The following ALDH1L2 variants were observed in gnomAD, a reference collection of about 807,000 sequenced individuals.
ALDH1L2 encodes the protein aldehyde dehydrogenase 1 family member L2, also known as mitochondrial 10-formyltetrahydrofolate dehydrogenase.
ALDH1L2 carries 91 observed loss-of-function variants against 111.0 expected under a neutral mutation model. That is an observed-to-expected ratio of 0.82 (90% CI 0.69 to 0.98). ALDH1L2 has a LOEUF of 0.98. Among genes scored for constraint, ALDH1L2 ranks in the 50% least tolerant of loss-of-function variants. The pLI is 0.00. For synonymous variants in ALDH1L2, 374 were observed against 392.6 expected (o/e 0.95, Z 0.56); for missense variants, 995 against 1,126.8 (o/e 0.88, Z 1.67).
intron 1 of ALDH1L2, 143 bp from the exon 2 acceptor site, chr12:105,074,148 A>AAT: frequency 9.6e-7 from 1 of 1,039,674 alleles, no homozygotes; most frequent in African/African-American, 1.6e-5. Flanking sequence ...ACCACTACTC[A>AAT]ATATATGCAT....
At chr12:105,076,158 C>T (rs1475705119) in intron 1 of ALDH1L2, among the ~76,000 whole-genome samples, 2 of 152,130 alleles carry the variant, frequency 1.3e-5, no homozygotes, top group Non-Finnish European at 2.9e-5. Context: ...GATTCCTGGG[C>T]CCTACTTCAG....
intron 22 of ALDH1L2, among the ~76,000 whole-genome samples, chr12:105,025,044 G>C (rs1362532621): frequency 6.6e-6 from 1 of 152,162 alleles, no homozygotes; most frequent in Non-Finnish European, 1.5e-5. Context: ...AACCTGTCTA[G>C]GCAAAAATAA....
At position 105,021,998 on chromosome 12, in the gene ALDH1L2, T is replaced by G. The variant is rs1874186331; in HGVS notation, c.*2426A>C. Reference sequence around the variant, plus strand: ...TGGAACTGCTTAAAGTGTCCACACCTCCCGATTCAGGTGATAATAAGATCA... The same window carrying G: ...TGGAACTGCTTAAAGTGTCCACACCGCCCGATTCAGGTGATAATAAGATCA... On this transcript the variant is annotated 3_prime_UTR_variant, in exon 23 of 23. Coordinates refer to ENST00000258494, the MANE Select transcript of ALDH1L2 (RefSeq NM_001034173.4). The G allele has an allele frequency of 6.6e-6, 1 of 152,210 alleles. No homozygotes were observed. Among genetic ancestry groups the G allele is most frequent in the Non-Finnish European group, 1.5e-5 (1 of 68,034 alleles). The allele number at this position is 152,210 out of a possible 1,614,324, so 9.4% of individuals were successfully genotyped here. A position where few individuals can be genotyped will look rare whatever the true frequency, so the allele number is the denominator to read the frequency against.
At chr12:105,027,415 C>T (rs187956536) in intron 21 of ALDH1L2, among the ~76,000 whole-genome samples, 118 of 152,224 alleles carry the variant, frequency 7.8e-4, no homozygotes, top group East Asian at 2.7e-3. Flanking sequence ...CCATCTCTTC[C>T]GATTTTGCAC....
chr12:105,044,240 T>C (rs1415894231), intron 15 of ALDH1L2, among the ~76,000 whole-genome samples: 1 of 152,152 alleles, frequency 6.6e-6, no homozygotes, highest in Non-Finnish European at 1.5e-5. Flanking sequence ...CAAAGAATGT[T>C]TGTAATTTTT....
chr12:105,064,762 A>AT (rs1269531016), intron 6 of ALDH1L2, among the ~76,000 whole-genome samples: 1 of 152,134 alleles, frequency 6.6e-6, no homozygotes, highest in African/African-American at 2.4e-5. Flanking sequence ...TCAATTACCC[A>AT]TGGATAGAAG....
chr12:105,068,404 T>C (rs1877499945), intron 4 of ALDH1L2, among the ~76,000 whole-genome samples: 1 of 152,120 alleles, frequency 6.6e-6, no homozygotes, highest in African/African-American at 2.4e-5. Flanking sequence ...TAAGATTCAA[T>C]CTACTTCTTT....
At position 105,058,140 on chromosome 12, in the gene ALDH1L2, C is replaced by T. The variant is rs145409027; in HGVS notation, c.1220G>A (p.Gly407Asp). The change falls in exon 10 of 23, where the codon GGC becomes GAC. Residue 407 changes from glycine to aspartate, a missense_variant. Physicochemically the swap from Gly to Asp is moderately conservative, Grantham distance 94. Transcript: ENST00000258494. ...EDVYMATKFE[G>D]FIQKVVRKLR... ...TTTCCTCACGACCTTTTGGATAAAG[C>T]CTTCAAACTTGGTGGCCATATAGAC... is the stretch of plus-strand genomic sequence containing the variant. The T allele has an allele frequency of 3.4e-5, 55 of 1,613,632 alleles. No homozygotes were observed. The African/African-American group carries it at 5.6e-4, about 16-fold the overall frequency.
chr12:105,052,089 C>A lies in ALDH1L2; in HGVS notation c.1535+1G>T, dbSNP rs1565960434. On this transcript the variant is annotated splice_donor_variant, in intron 12 of 22. Coordinates refer to ENST00000258494, the MANE Select transcript of ALDH1L2 (RefSeq NM_001034173.4). LOFTEE classifies it high-confidence loss of function. ...AATAAAAAAATAAAAAATAGAAATACCTATACATCAATCTTCCTCTTTCTC... is the reference window on the plus strand; with the variant it reads ...AATAAAAAAATAAAAAATAGAAATAACTATACATCAATCTTCCTCTTTCTC... 6.3e-7 allele frequency: 1 copy of A among 1,596,492 alleles called. No individual in the cohort carries two copies. Among genetic ancestry groups the A allele is most frequent in the Admixed American group, 1.8e-5 (1 of 56,704 alleles).
At chr12:105,037,954 A>G (rs1875258534) in intron 18 of ALDH1L2, 149 bp downstream of exon 18, 1 of 538,656 alleles carries the variant, frequency 1.9e-6, no homozygotes, top group Admixed American at 3.1e-5. Context: ...TTTACTAGAG[A>G]CGGGGTTTCA....
chr12:105,083,334 C>A (rs1300935763), intron 1 of ALDH1L2, among the ~76,000 whole-genome samples: 1 of 151,344 alleles, frequency 6.6e-6, no homozygotes, highest in African/African-American at 2.4e-5. Context: ...CCCACCCCCA[C>A]CCCTCGTTTT....
At position 105,070,783 on chromosome 12, in the gene ALDH1L2, C is replaced by G; in HGVS notation, c.215G>C (p.Gly72Ala). ...TTTAGGAAGCTTGAACACAGGGGTC[C>G]CATCTTTCTCTGCAGCCAAAGCTGA... ...DPLALAAEKD[G>A]TPVFKLPKWR... The change falls in exon 3 of 23, where the codon GGG becomes GCG. Residue 72 changes from glycine to alanine, a missense_variant. Physicochemically the swap from Gly to Ala is moderately conservative, Grantham distance 60 (BLOSUM62 0). Coordinates refer to ENST00000258494, the MANE Select transcript of ALDH1L2 (RefSeq NM_001034173.4). 6.2e-7 allele frequency: 1 copy of G among 1,613,052 alleles called. No homozygotes were observed.
chr12:105,069,136 T>G (rs1877539670), intron 3 of ALDH1L2, among the ~76,000 whole-genome samples: 1 of 152,124 alleles, frequency 6.6e-6, no homozygotes, highest in African/African-American at 2.4e-5. Flanking sequence ...TGCAGTGAAT[T>G]TAAAAAGGCA....
In ALDH1L2 at chr12:105,058,264, G is replaced by GGGTT. The variant is rs764333036; in HGVS notation, c.1140-48_1140-45dup. The GGGTT allele has an allele frequency of 3.2e-6, 5 of 1,551,534 alleles. No homozygotes were observed. The African/African-American group carries it at 6.9e-5, about 21-fold the overall frequency. On this transcript the variant is annotated intron_variant, in intron 9 of 22. Coordinates refer to ENST00000258494, the MANE Select transcript of ALDH1L2 (RefSeq NM_001034173.4). ...TTCGCGTTACTTAGATTTTTAAAAGGGGTTAGGAAGATTGTGTTATTTGCA... is the reference window on the plus strand; with the variant it reads ...TTCGCGTTACTTAGATTTTTAAAAGGGGTTGGTTAGGAAGATTGTGTTATTTGCA...
intron 18 of ALDH1L2, among the ~76,000 whole-genome samples, chr12:105,035,982 T>A (rs1412841050): frequency 9.3e-6 from 1 of 107,160 alleles, no homozygotes; most frequent in South Asian, 2.6e-4. Context: ...TGTATATATA[T>A]TATATATATA....
rs1193934501 is a variant in ALDH1L2 at position 105,024,418 on chromosome 12, G to A, written c.*6C>T. 1.2e-6 allele frequency: 2 copies of A among 1,613,698 alleles called. No homozygotes were observed. Among genetic ancestry groups the A allele is most frequent in the Non-Finnish European group, 1.7e-6 (2 of 1,179,816 alleles). ...CTGTCAAGGCTTTCCTGATGATGGTGTTGCTCTAATATTCCAGTGTCACCG... is the reference window on the plus strand; with the variant it reads ...CTGTCAAGGCTTTCCTGATGATGGTATTGCTCTAATATTCCAGTGTCACCG... On this transcript the variant is annotated 3_prime_UTR_variant, in exon 23 of 23. Coordinates refer to ENST00000258494, the MANE Select transcript of ALDH1L2 (RefSeq NM_001034173.4).
chr12:105,071,077 T>A (rs181577646), intron 2 of ALDH1L2, among the ~76,000 whole-genome samples: 3 of 152,330 alleles, frequency 2.0e-5, no homozygotes, highest in Admixed American at 2.0e-4. Context: ...CTTTTTTAGA[T>A]CAAAAATGGT....
intron 3 of ALDH1L2, among the ~76,000 whole-genome samples, chr12:105,069,811 A>G (rs573383609): frequency 7.2e-5 from 11 of 152,316 alleles, no homozygotes; most frequent in Admixed American, 3.3e-4. Context: ...TTGTGTCCCT[A>G]TGGTATTAGG....
At chr12:105,038,277 C>T (rs1035379210) in intron 17 of ALDH1L2, 75 bp from the exon 18 acceptor site, 63 of 264,408 alleles carry the variant, frequency 2.4e-4, no homozygotes, top group African/African-American at 2.2e-3. Flanking sequence ...CACACACACA[C>T]AAACACACAC....
Sources: gnomAD v4.1 joint callset for allele counts (sites outside exome capture counted in the v4.1 genomes callset) on GRCh38, gnomAD v4.1.1 for gene constraint, MANE v1.5 for transcripts, NCBI Gene and HGNC (gene_info 2026-07-23, HGNC 2026-07-21) for gene names.